The following WWOX variants were observed in gnomAD, a reference collection of about 807,000 sequenced individuals.
WWOX encodes the protein WW domain containing oxidoreductase.
WWOX carries 69 observed loss-of-function variants against 46.2 expected under a neutral mutation model. The ratio of observed to expected loss-of-function variants is 1.49; its 90% CI spans 1.23 to 1.82. The LOEUF (loss-of-function observed/expected upper bound fraction) is 1.82, where lower values mean the gene tolerates loss of function less well. Among genes scored for constraint, WWOX ranks in the 40% most tolerant of loss-of-function variants. WWOX has a pLI of 0.00. For missense variants in WWOX, 919 were observed against 542.6 expected (o/e 1.69, Z -6.89); for synonymous variants, 359 against 202.6 (o/e 1.77, Z -6.56).
At chr16:78,852,518 C>G (rs554541356) in intron 8 of WWOX, among the ~76,000 whole-genome samples, 2 of 152,238 alleles carry the variant, frequency 1.3e-5, no homozygotes, top group Admixed American at 6.5e-5. Flanking sequence ...AGCAGTTCCT[C>G]CAACCCCCTT....
chr16:78,346,859 C>T lies in WWOX; in HGVS notation c.517-40001C>T, dbSNP rs952078141. Among the ~76,000 whole-genome samples, 7 of 118,768 alleles carry T rather than the reference C, an allele frequency of 5.9e-5. 2 individuals are homozygous for T. Among genetic ancestry groups the T allele is most frequent in the African/African-American group, 2.0e-4 (7 of 34,884 alleles). The allele number at this position is 118,768 out of a possible 152,430, so 77.9% of individuals were successfully genotyped here. A position where few individuals can be genotyped will look rare whatever the true frequency, so the allele number is the denominator to read the frequency against. The stretch of plus-strand genomic sequence containing the variant: ...AGCTGGTGTTACAGAAGCCTGCTAC[C>T]ATGCCTGGCTAATTTTTGTGTTGTT... On this transcript the variant is annotated intron_variant, in intron 5 of 8. Transcript: ENST00000566780.
At chr16:78,380,566 C>A (rs933064595) in intron 5 of WWOX, among the ~76,000 whole-genome samples, 4 of 152,052 alleles carry the variant, frequency 2.6e-5, no homozygotes, top group African/African-American at 7.2e-5. Context: ...TGGTTTATCA[C>A]CCATTCAGCG....
chr16:78,279,762 G>T (rs2079642725), intron 5 of WWOX, among the ~76,000 whole-genome samples: 1 of 152,188 alleles, frequency 6.6e-6, no homozygotes, highest in South Asian at 2.1e-4. Context: ...ATAAAAGTGA[G>T]ATACCCTTTA....
intron 4 of WWOX, chr16:78,118,808 G>A (rs1422967455): frequency 6.6e-6 from 1 of 152,134 alleles, no homozygotes; most frequent in Non-Finnish European, 1.5e-5. Context: ...AATGCCCCAG[G>A]CCCCAGGAAG....
At chr16:78,978,911 C>T (rs142391916) in intron 8 of WWOX, among the ~76,000 whole-genome samples, 534 of 152,158 alleles carry the variant, frequency 3.5e-3, no homozygotes, top group Admixed American at 5.2e-3. Flanking sequence ...ACCTTATCAC[C>T]AGCGCTTGTT....
chr16:79,069,494 C>T (rs1299097213), intron 8 of WWOX, among the ~76,000 whole-genome samples: 2 of 151,486 alleles, frequency 1.3e-5, no homozygotes, highest in East Asian at 1.9e-4. Context: ...AACTAAGAAC[C>T]GACTTATTTA....
At chr16:78,941,694 A>G (rs1022734142) in intron 8 of WWOX, among the ~76,000 whole-genome samples, 3 of 152,208 alleles carry the variant, frequency 2.0e-5, no homozygotes, top group Admixed American at 2.0e-4. Context: ...CTCACAGGAA[A>G]GAAGAAATTC....
At chr16:78,654,633 A>AC (rs1472829365) in intron 8 of WWOX, among the ~76,000 whole-genome samples, 3 of 151,814 alleles carry the variant, frequency 2.0e-5, no homozygotes, top group Non-Finnish European at 4.4e-5. Context: ...ACCTATCTAT[A>AC]CCTTTCTCTC....
chr16:78,358,314 C>A (rs2081339606), intron 5 of WWOX, among the ~76,000 whole-genome samples: 1 of 152,156 alleles, frequency 6.6e-6, no homozygotes. Context: ...TAGAACTCTG[C>A]TAATGAATTA....
At chr16:78,735,894 A>G (rs899335891) in intron 8 of WWOX, among the ~76,000 whole-genome samples, 2 of 152,176 alleles carry the variant, frequency 1.3e-5, no homozygotes, top group Non-Finnish European at 2.9e-5. Context: ...TTGTCTATCC[A>G]GAAACCGTAT....
intron 8 of WWOX, among the ~76,000 whole-genome samples, chr16:78,499,307 G>T (rs1004091549): frequency 6.6e-6 from 1 of 152,178 alleles, no homozygotes; most frequent in African/African-American, 2.4e-5. Context: ...TCTGGTGGTG[G>T]GGTGGCACAC....
chr16:78,716,991 T>C (rs13330253), intron 8 of WWOX, among the ~76,000 whole-genome samples: 106,911 of 152,120 alleles, frequency 0.7, 38,998 homozygotes, highest in African/African-American at 0.92. Flanking sequence ...GTCGTAAAAT[T>C]AGGCTAATAA....
At chr16:78,714,519 G>A (rs1567510052) in intron 8 of WWOX, among the ~76,000 whole-genome samples, 3 of 151,812 alleles carry the variant, frequency 2.0e-5, no homozygotes, top group Admixed American at 2.0e-4. Flanking sequence ...TGAGATTTTG[G>A]TGGGGACACA....
chr16:78,255,375 C>G (rs1395064168), intron 5 of WWOX, among the ~76,000 whole-genome samples: 2 of 152,144 alleles, frequency 1.3e-5, no homozygotes, highest in African/African-American at 4.8e-5. Flanking sequence ...TTGGAAGACA[C>G]TAAGAAACTA....
chr16:78,257,638 C>T (rs1048585382), intron 5 of WWOX, among the ~76,000 whole-genome samples: 5 of 152,148 alleles, frequency 3.3e-5, no homozygotes, highest in African/African-American at 1.2e-4. Flanking sequence ...CTGATGTCTA[C>T]CGCAGCGGTT....
At chr16:78,906,370 C>A (rs16948801) in intron 8 of WWOX, among the ~76,000 whole-genome samples, 1 of 152,040 alleles carries the variant, frequency 6.6e-6, no homozygotes, top group Non-Finnish European at 1.5e-5. Flanking sequence ...CTTTGATATG[C>A]AAATATAGCC....
At chr16:78,398,789 C>A (rs1334415684) in intron 6 of WWOX, among the ~76,000 whole-genome samples, 1 of 152,202 alleles carries the variant, frequency 6.6e-6, no homozygotes, top group Non-Finnish European at 1.5e-5. Context: ...ACTAACACCA[C>A]TCTGGGTTGT....
At chr16:78,486,613 C>T (rs938823466) in intron 8 of WWOX, among the ~76,000 whole-genome samples, 4 of 144,642 alleles carry the variant, frequency 2.8e-5, no homozygotes, top group East Asian at 1.9e-4. Context: ...CTCACTCTGT[C>T]GCCCAGGCTG....
chr16:78,320,107 CA>C (rs1178142456), intron 5 of WWOX, among the ~76,000 whole-genome samples: 1 of 152,146 alleles, frequency 6.6e-6, no homozygotes, highest in African/African-American at 2.4e-5. Context: ...TGCATGAGGG[CA>C]AAAACTTAGC....
Sources: gnomAD v4.1 joint callset for allele counts (sites outside exome capture counted in the v4.1 genomes callset) on GRCh38, gnomAD v4.1.1 for gene constraint, MANE v1.5 for transcripts, NCBI Gene and HGNC (gene_info 2026-07-23, HGNC 2026-07-21) for gene names.